Variants in RAB27B observed in about 807,000 individuals in gnomAD.
The protein encoded by RAB27B is ras-related protein Rab-27B.
Under a neutral mutation model 24.6 loss-of-function variants are expected in RAB27B, and 15 were observed. The ratio of observed to expected loss-of-function variants is 0.61; its 90% confidence interval spans 0.41 to 0.94. The LOEUF (loss-of-function observed/expected upper bound fraction) is 0.94. RAB27B is among the 40% of genes least tolerant of loss of function. The pLI is 0.00. For missense variants in RAB27B, 261 were observed against 266.8 expected (o/e 0.98, Z 0.15); for synonymous variants, 105 against 92.5 (o/e 1.14, Z -0.78).
intron 2 of RAB27B, among the ~76,000 whole-genome samples, chr18:54,737,211 G>C (rs1367550367): frequency 2.0e-5 from 3 of 152,102 alleles, no homozygotes; most frequent in Non-Finnish European, 2.9e-5. Flanking sequence ...TGACTCTCTG[G>C]GTTGTCTTAT....
intron 2 of RAB27B, chr18:54,718,207 T>A (rs1242356867): frequency 6.6e-6 from 1 of 152,124 alleles, no homozygotes; most frequent in African/African-American, 2.4e-5. Flanking sequence ...GACCTTCCTC[T>A]TCTTCGTTGA....
chr18:54,757,487 C>T (rs11151977), intron 2 of RAB27B, among the ~76,000 whole-genome samples: 1 of 151,846 alleles, frequency 6.6e-6, no homozygotes, highest in South Asian at 2.1e-4. Context: ...ATAATAGTAA[C>T]AAAGATGGTG....
intron 2 of RAB27B, among the ~76,000 whole-genome samples, chr18:54,765,084 A>C (rs527943686): frequency 2.6e-5 from 4 of 151,658 alleles, no homozygotes; most frequent in Admixed American, 2.0e-4. Flanking sequence ...CAAAACAAAA[A>C]AAAACAAAAA....
chr18:54,753,574 C>A (rs1907904486), intron 2 of RAB27B, among the ~76,000 whole-genome samples: 1 of 152,118 alleles, frequency 6.6e-6, no homozygotes, highest in Non-Finnish European at 1.5e-5. Flanking sequence ...GTAGCCAGTC[C>A]TCGTGTAAAT....
At chr18:54,869,833 A>G (rs1197289763) in intron 1 of RAB27B, among the ~76,000 whole-genome samples, 3 of 152,244 alleles carry the variant, frequency 2.0e-5, no homozygotes, top group African/African-American at 7.2e-5. Context: ...ATATGAAAAT[A>G]GTTTGTACAA....
At chr18:54,735,340 AG>A (rs1909855389) in intron 2 of RAB27B, among the ~76,000 whole-genome samples, 1 of 152,192 alleles carries the variant, frequency 6.6e-6, no homozygotes, top group Non-Finnish European at 1.5e-5. Context: ...GCAGTTCTTC[AG>A]TCACACTCTC....
chr18:54,801,525 CTTACTA>C (rs1303805131), intron 2 of RAB27B, among the ~76,000 whole-genome samples: 4 of 152,170 alleles, frequency 2.6e-5, no homozygotes, highest in Non-Finnish European at 4.4e-5. Context: ...CAGGTTCACA[CTTACTA>C]TTGCCCATCT....
intron 2 of RAB27B, among the ~76,000 whole-genome samples, chr18:54,749,770 C>G (rs375983839): frequency 6.6e-6 from 1 of 152,138 alleles, no homozygotes; most frequent in Non-Finnish European, 1.5e-5. Flanking sequence ...AAAGGAATAA[C>G]ATTTTTCTAA....
chr18:54,863,906 C>T (rs935130995), intron 1 of RAB27B, among the ~76,000 whole-genome samples: 3 of 152,182 alleles, frequency 2.0e-5, no homozygotes, highest in Non-Finnish European at 2.9e-5. Context: ...TTTGTTTACA[C>T]ATTCAGTGGA....
upstream of RAB27B, among the ~76,000 whole-genome samples, chr18:54,827,542 C>T (rs181841823): frequency 1.0e-3 from 156 of 152,210 alleles, no homozygotes; most frequent in African/African-American, 3.4e-3. Context: ...TCCTTTGCTC[C>T]CTTCTACAAG....
At chr18:54,781,399 G>A (rs1908914184) in intron 2 of RAB27B, among the ~76,000 whole-genome samples, 1 of 151,950 alleles carries the variant, frequency 6.6e-6, no homozygotes, top group African/African-American at 2.4e-5. Flanking sequence ...GCAGGCCCCT[G>A]AATTTGACCA....
At chr18:54,869,046 C>G (rs1237596160) in intron 1 of RAB27B, among the ~76,000 whole-genome samples, 5 of 152,010 alleles carry the variant, frequency 3.3e-5, no homozygotes, top group Non-Finnish European at 7.4e-5. Flanking sequence ...TTTAACTAAC[C>G]CTGAGATTTG....
intron 2 of RAB27B, among the ~76,000 whole-genome samples, chr18:54,784,675 A>G (rs567860263): frequency 6.6e-6 from 1 of 152,276 alleles, no homozygotes; most frequent in African/African-American, 2.4e-5. Context: ...GTAGTATTCC[A>G]TGGTATATAC....
At chr18:54,826,113 T>C (rs554167556), upstream of RAB27B, among the ~76,000 whole-genome samples, 1 of 152,342 alleles carries the variant, frequency 6.6e-6, no homozygotes, top group Non-Finnish European at 1.5e-5. Flanking sequence ...TTTATTCTTG[T>C]AATAAAGCAG....
intron 1 of RAB27B, among the ~76,000 whole-genome samples, chr18:54,877,352 G>A (rs933311643): frequency 3.3e-5 from 5 of 152,088 alleles, no homozygotes; most frequent in East Asian, 1.9e-4. Context: ...ATATTTTTCC[G>A]TATTAGGTGA....
At chr18:54,733,042 C>CTTTTTAT (rs1909774162) in intron 2 of RAB27B, among the ~76,000 whole-genome samples, 1 of 151,750 alleles carries the variant, frequency 6.6e-6, no homozygotes, top group African/African-American at 2.4e-5. Flanking sequence ...TAAATGAAGT[C>CTTTTTAT]TTTTTATTTT....
chr18:54,725,611 A>G (rs1262313123), intron 2 of RAB27B, among the ~76,000 whole-genome samples: 1 of 151,512 alleles, frequency 6.6e-6, no homozygotes, highest in Admixed American at 6.6e-5. Flanking sequence ...GGCCTCAGGA[A>G]ACTTGCAGTC....
chr18:54,746,726 T>C (rs1048770082), intron 2 of RAB27B, among the ~76,000 whole-genome samples: 1 of 152,202 alleles, frequency 6.6e-6, no homozygotes, highest in Non-Finnish European at 1.5e-5. Context: ...AGAATAATAG[T>C]GCCTTCATCA....
At chr18:54,739,018 T>C (rs1414357191) in intron 2 of RAB27B, among the ~76,000 whole-genome samples, 1 of 152,222 alleles carries the variant, frequency 6.6e-6, no homozygotes, top group African/African-American at 2.4e-5. Context: ...TGATTTGCCT[T>C]CTGTGGAATT....
Sources: allele counts gnomAD v4.1 joint callset (sites outside exome capture counted in the v4.1 genomes callset), GRCh38; gene constraint gnomAD v4.1.1; transcripts MANE v1.5; gene names NCBI Gene and HGNC (gene_info 2026-07-23, HGNC 2026-07-21).